The following EPB41L2 variants were observed in gnomAD, a reference collection of about 807,000 sequenced individuals.
The protein encoded by EPB41L2 is erythrocyte membrane protein band 4.1 like 2.
EPB41L2 carries 43 observed loss-of-function variants against 113.0 expected under a neutral mutation model. The ratio of observed to expected loss-of-function variants is 0.38; its 90% CI spans 0.30 to 0.49. EPB41L2 has a LOEUF of 0.49. Ranked by LOEUF, EPB41L2 falls within the 20% of genes least tolerant of loss-of-function variation. The pLI is 0.95. For synonymous variants in EPB41L2, 442 were observed against 436.7 expected (o/e 1.01, Z -0.15); for missense variants, 1,147 against 1,223.4 (o/e 0.94, Z 0.93).
intron 3 of EPB41L2, among the ~76,000 whole-genome samples, chr6:130,947,193 T>C (rs1813228804): frequency 6.6e-6 from 1 of 152,078 alleles, no homozygotes; most frequent in Admixed American, 6.5e-5. Flanking sequence ...CATCCTGGCA[T>C]TTGAGGCCTT....
chr6:130,956,113 C>A lies in EPB41L2; in HGVS notation c.373G>T (p.Ala125Ser). 6.2e-7 allele frequency: 1 copy of A among 1,614,140 alleles called. No individual in the cohort carries two copies. The highest frequency in any genetic ancestry group is 2.2e-5 in the East Asian group (1 of 44,884). The change falls in exon 2 of 20, where the codon GCT becomes TCT. Residue 125 changes from alanine to serine, a missense_variant. Ala to Ser is a moderately conservative substitution (Grantham distance 99, BLOSUM62 1). Transcript: ENST00000337057. ...EEPLPEEQRQ[A>S]KGDAEEMAQK... ...GCCATTTCTTCAGCATCACCCTTAG[C>A]CTGTCTCTGTTCTTCTGGAAGGGGT...
At chr6:130,901,223 AG>A in intron 6 of EPB41L2, 43 bp from the exon 7 acceptor site, 1 of 1,560,660 alleles carries the variant, frequency 6.4e-7, no homozygotes, top group Non-Finnish European at 8.8e-7. Context: ...GAGAACCATT[AG>A]GTGAGATTGG....
At chr6:130,859,246 G>A (rs1254776695) in intron 18 of EPB41L2, among the ~76,000 whole-genome samples, 2 of 152,150 alleles carry the variant, frequency 1.3e-5, no homozygotes, top group African/African-American at 4.8e-5. Context: ...TAAAGGCCAG[G>A]CGTGGTGGCT....
Position 130,901,177 on chromosome 6 carries a change from G to C in EPB41L2, c.933C>G (p.Tyr311Ter), listed in dbSNP as rs1164879272. Residue 311 changes from tyrosine to a stop codon, truncating the protein, a stop_gained, in exon 7 of 20, where the codon TAC (tyrosine) becomes TAG (stop). Coordinates refer to ENST00000337057, the MANE Select transcript of EPB41L2 (RefSeq NM_001431.4). LOFTEE classifies it high-confidence loss of function. ...PSQLTEDITR[Y>*]FLCLQLRQDI... The stretch of plus-strand genomic sequence containing the variant: ...CCTGCCGGAGCTGAAGGCACAAGAA[G>C]TATCTGTGAGGAGCAGAGGGAGAAA... 6.2e-7 allele frequency: 1 copy of C among 1,612,984 alleles called. No homozygotes were observed. Among genetic ancestry groups the C allele is most frequent in the African/African-American group, 1.3e-5 (1 of 74,902 alleles).
At chr6:130,855,934 A>G (rs759302288) in intron 19 of EPB41L2, among the ~76,000 whole-genome samples, 7 of 152,150 alleles carry the variant, frequency 4.6e-5, no homozygotes, top group African/African-American at 7.2e-5. Flanking sequence ...CCCATTATAA[A>G]GTTATAGTAA....
At chr6:130,871,700 C>T (rs1462644994) in intron 14 of EPB41L2, among the ~76,000 whole-genome samples, 1 of 152,212 alleles carries the variant, frequency 6.6e-6, no homozygotes, top group Non-Finnish European at 1.5e-5. Flanking sequence ...AGACAGCTAT[C>T]TTTCCAGTTT....
chr6:131,001,051 G>T (rs190664049), intron 1 of EPB41L2, among the ~76,000 whole-genome samples: 1 of 152,238 alleles, frequency 6.6e-6, no homozygotes, highest in East Asian at 1.9e-4. Flanking sequence ...TCCCGCTCTA[G>T]CAACACAAGA....
chr6:131,006,606 G>T (rs910597305), intron 1 of EPB41L2, among the ~76,000 whole-genome samples: 101 of 149,782 alleles, frequency 6.7e-4, no homozygotes, highest in African/African-American at 2.3e-3. Flanking sequence ...GGAGGCAGAG[G>T]TTGCAGTGAG....
chr6:131,033,295 A>G (rs1792606310), intron 1 of EPB41L2, among the ~76,000 whole-genome samples: 1 of 152,178 alleles, frequency 6.6e-6, no homozygotes, highest in Non-Finnish European at 1.5e-5. Context: ...GGAGCAAAAC[A>G]AGTATAGGCA....
chr6:130,893,691 G>A (rs189987710), intron 10 of EPB41L2, among the ~76,000 whole-genome samples: 71 of 152,306 alleles, frequency 4.7e-4, no homozygotes, highest in Middle Eastern at 6.8e-3. Flanking sequence ...CACTTGGACA[G>A]CACAGGTCCA....
intron 1 of EPB41L2, among the ~76,000 whole-genome samples, chr6:130,973,086 T>C (rs1777298824): frequency 6.6e-6 from 1 of 152,136 alleles, no homozygotes; most frequent in Non-Finnish European, 1.5e-5. Flanking sequence ...CACTCCAGCC[T>C]GAGTGGCTCC....
At chr6:131,002,347 G>C (rs1282042215) in intron 1 of EPB41L2, among the ~76,000 whole-genome samples, 1 of 152,178 alleles carries the variant, frequency 6.6e-6, no homozygotes, top group African/African-American at 2.4e-5. Context: ...GAAAGTGGAG[G>C]GGAGAGAGAA....
chr6:130,935,935 A>G (rs1015797417), intron 3 of EPB41L2, among the ~76,000 whole-genome samples: 1 of 152,226 alleles, frequency 6.6e-6, no homozygotes, highest in Non-Finnish European at 1.5e-5. Context: ...GAAGATGCAG[A>G]AAACCTCAAA....
chr6:130,965,065 T>C (rs1317901210), intron 1 of EPB41L2, among the ~76,000 whole-genome samples: 2 of 152,174 alleles, frequency 1.3e-5, no homozygotes, highest in African/African-American at 2.4e-5. Context: ...TAGCAGCATG[T>C]TCTAATGGAC....
chr6:130,895,190 T>C (rs1427649771), intron 8 of EPB41L2, 71 bp from the exon 9 acceptor site: 6 of 1,481,396 alleles, frequency 4.1e-6, no homozygotes, highest in African/African-American at 1.4e-5. Context: ...GCTAATTAGC[T>C]CCCTCAAATC....
At chr6:130,918,811 G>A (rs990217397) in intron 4 of EPB41L2, among the ~76,000 whole-genome samples, 12 of 152,198 alleles carry the variant, frequency 7.9e-5, no homozygotes, top group African/African-American at 2.9e-4. Flanking sequence ...TATTCGGCAT[G>A]GAAAGGAAAG....
At chr6:130,892,096 G>A (rs543246586) in intron 10 of EPB41L2, among the ~76,000 whole-genome samples, 1 of 152,204 alleles carries the variant, frequency 6.6e-6, no homozygotes, top group African/African-American at 2.4e-5. Context: ...GGAGTCCATG[G>A]TACATTAGCA....
chr6:130,972,185 G>A (rs1017718665), intron 1 of EPB41L2, among the ~76,000 whole-genome samples: 2 of 152,018 alleles, frequency 1.3e-5, no homozygotes, highest in Non-Finnish European at 2.9e-5. Flanking sequence ...TTGGCAGGGT[G>A]TCGTAGCGCA....
chr6:131,034,262 TG>T (rs1182068084), intron 1 of EPB41L2, among the ~76,000 whole-genome samples: 1 of 152,024 alleles, frequency 6.6e-6, no homozygotes, highest in Non-Finnish European at 1.5e-5. Flanking sequence ...ATAAACATAT[TG>T]GGGGTTGGGG....
Sources: allele counts gnomAD v4.1 joint callset (sites outside exome capture counted in the v4.1 genomes callset), GRCh38; gene constraint gnomAD v4.1.1; transcripts MANE v1.5; gene names NCBI Gene and HGNC (gene_info 2026-07-23, HGNC 2026-07-21).